The following PAH variants were observed in gnomAD, a reference collection of about 807,000 sequenced individuals.
PAH encodes the protein phenylalanine hydroxylase, also known as phenylalanine-4-hydroxylase.
PAH carries 64 observed loss-of-function variants against 62.0 expected under a neutral mutation model. The observed-to-expected ratio is 1.03, with a 90% CI of 0.84 to 1.27. The LOEUF (loss-of-function observed/expected upper bound fraction) is 1.27. Among genes scored for constraint, PAH ranks in the 50% most tolerant of loss-of-function variants. PAH has a pLI of 0.00. For synonymous variants in PAH, 195 were observed against 196.2 expected (o/e 0.99, Z 0.05); for missense variants, 579 against 542.8 (o/e 1.07, Z -0.66).
intron 1 of PAH, among the ~76,000 whole-genome samples, chr12:102,946,318 T>G (rs540051763): frequency 1.3e-5 from 2 of 152,356 alleles, no homozygotes; most frequent in East Asian, 3.9e-4. Flanking sequence ...GAGCCCAGCA[T>G]AGCGTCAGGA....
chr12:102,902,415 T>A (rs1877798396), intron 2 of PAH, among the ~76,000 whole-genome samples: 1 of 152,190 alleles, frequency 6.6e-6, no homozygotes, highest in South Asian at 2.1e-4. Context: ...GATTCATGTT[T>A]TAAAAGACAC....
upstream of PAH, among the ~76,000 whole-genome samples, chr12:102,952,829 AATGCAGGTGCAAGC>A: frequency 6.6e-6 from 1 of 152,358 alleles, no homozygotes; most frequent in Admixed American, 6.5e-5. Context: ...TGAATTCCTT[AATGCAGGTGCAAGC>A]CTGGCTGCTG....
At chr12:102,891,816 C>T (rs1049996800) in intron 3 of PAH, among the ~76,000 whole-genome samples, 3 of 152,170 alleles carry the variant, frequency 2.0e-5, no homozygotes, top group Non-Finnish European at 4.4e-5. Flanking sequence ...TATATATTCC[C>T]TGGCTCCTCC....
Position 102,894,806 on chromosome 12 carries a change from A to C in PAH, c.281T>G (p.Ile94Ser), listed in dbSNP as rs62508677. ...AATGTCATGCCTCAAGATCTTGATG[A>C]TGTTTGTCAGAGCAGGCAGGCTACG... is the stretch of plus-strand genomic sequence containing the variant. Reference protein sequence around the residue: ...DKRSLPALTNIIKILRHDIGA... With the variant: ...DKRSLPALTNSIKILRHDIGA... Residue 94 changes from isoleucine (I) to serine (S), a missense_variant, in exon 3 of 13, where the codon ATC (isoleucine) becomes AGC (serine). Coordinates refer to ENST00000553106, the MANE Select transcript of PAH (RefSeq NM_000277.3). The C allele has an allele frequency of 2.5e-6, 4 of 1,613,972 alleles. No homozygotes were observed. Among genetic ancestry groups the C allele is most frequent in the Non-Finnish European group, 3.4e-6 (4 of 1,179,968 alleles).
In PAH at chr12:102,862,571, T is replaced by TA. The variant is rs140778245; in HGVS notation, c.509+4024dup. 9.6e-3 allele frequency among the ~76,000 whole-genome samples: 1,454 copies of TA among 151,804 alleles called. 29 individuals are homozygous for TA. The highest frequency in any genetic ancestry group is 0.034 in the African/African-American group (1,393 of 41,466). On this transcript the variant is annotated intron_variant, in intron 5 of 12. Transcript: ENST00000553106. ...AAAATGAAAGCTAAATTAAAGATTT[T>TA]AAAAAAAAAGTCCTTTTGAAAACCA...
upstream of PAH, among the ~76,000 whole-genome samples, chr12:102,922,215 G>C: frequency 8.4e-6 from 1 of 119,410 alleles, no homozygotes; most frequent in Admixed American, 9.9e-5. Context: ...TTTTTTTTGA[G>C]ATGAAGTCTC....
At chr12:102,955,425 C>T (rs919333359), upstream of PAH, among the ~76,000 whole-genome samples, 2 of 152,146 alleles carry the variant, frequency 1.3e-5, no homozygotes, top group Admixed American at 6.5e-5. Context: ...TGGTAGAGCT[C>T]AGACTCGGGA....
chr12:102,854,295 T>G (rs945952605), intron 6 of PAH, among the ~76,000 whole-genome samples: 1 of 152,200 alleles, frequency 6.6e-6, no homozygotes, highest in African/African-American at 2.4e-5. Flanking sequence ...TGCACAGCTC[T>G]GATATATAGA....
intron 5 of PAH, among the ~76,000 whole-genome samples, chr12:102,857,439 C>A (rs2136652420): frequency 6.6e-6 from 1 of 152,310 alleles, no homozygotes; most frequent in Non-Finnish European, 1.5e-5. Context: ...CCTAGCAAGG[C>A]AGGCCAACAT....
chr12:102,890,069 C>T (rs1265082410), intron 3 of PAH, among the ~76,000 whole-genome samples: 1 of 152,160 alleles, frequency 6.6e-6, no homozygotes, highest in Non-Finnish European at 1.5e-5. Flanking sequence ...TTTACCATGT[C>T]GCTGTAATTA....
intron 4 of PAH, among the ~76,000 whole-genome samples, chr12:102,874,915 A>G (rs1876499913): frequency 6.6e-6 from 1 of 152,208 alleles, no homozygotes; most frequent in Admixed American, 6.5e-5. Context: ...GGCCGGGTTC[A>G]GGGACAAAGA....
At chr12:102,927,503 A>T (rs1878718622) in intron 1 of PAH, among the ~76,000 whole-genome samples, 1 of 151,290 alleles carries the variant, frequency 6.6e-6, no homozygotes, top group Non-Finnish European at 1.5e-5. Context: ...GATGCACATT[A>T]TGTGTTCAAT....
At chr12:102,897,627 G>A (rs1315512729) in intron 2 of PAH, among the ~76,000 whole-genome samples, 1 of 152,046 alleles carries the variant, frequency 6.6e-6, no homozygotes, top group African/African-American at 2.4e-5. Context: ...TAGCTGTGAT[G>A]CATTATCAGA....
At chr12:102,911,992 G>C (rs1878218987) in intron 2 of PAH, among the ~76,000 whole-genome samples, 1 of 152,248 alleles carries the variant, frequency 6.6e-6, no homozygotes, top group Non-Finnish European at 1.5e-5. Flanking sequence ...TTGGAGTTCT[G>C]TGAAGTTTGG....
At chr12:102,853,109 G>T in intron 6 of PAH, 159 bp from the exon 7 acceptor site, 1 of 742,894 alleles carries the variant, frequency 1.3e-6, no homozygotes, top group Non-Finnish European at 2.3e-6. Context: ...CTGCTTTCTA[G>T]CTAGGTGATC....
intron 1 of PAH, among the ~76,000 whole-genome samples, chr12:102,942,472 A>G (rs1278736563): frequency 6.6e-6 from 1 of 152,204 alleles, no homozygotes; most frequent in Non-Finnish European, 1.5e-5. Flanking sequence ...AAGAATTAAC[A>G]TTGGTAAAAT....
intron 4 of PAH, among the ~76,000 whole-genome samples, chr12:102,873,152 G>A (rs2039627916): frequency 6.6e-6 from 1 of 152,206 alleles, no homozygotes; most frequent in South Asian, 2.1e-4. Context: ...CTATGTGGCA[G>A]AGGTTGCTGG....
At position 102,852,862 on chromosome 12, in the gene PAH, G is replaced by T. The variant is rs1231529155; in HGVS notation, c.795C>A (p.Cys265Ter). ...TGGATCCATGTCTGATGTACTGTGT[G>T]CAGTGGAAGACTCGGAAGGCCAGGC... ...LGGLAFRVFHCTQYIRHGSKP... is the reference protein window; with the variant it reads ...LGGLAFRVFH The change falls in exon 7 of 13, where the codon TGC (cysteine) becomes TGA (stop). Residue 265 changes from cysteine (C) to a stop codon, truncating the protein, a stop_gained. Transcript: ENST00000553106. LOFTEE classifies it high-confidence loss of function. 6.2e-7 allele frequency: 1 copy of T among 1,614,108 alleles called. No homozygotes were observed. Among genetic ancestry groups the T allele is most frequent in the Non-Finnish European group, 8.5e-7 (1 of 1,180,000 alleles).
At position 102,855,200 on chromosome 12, in the gene PAH, T is replaced by C. The variant is rs373782868; in HGVS notation, c.642A>G (p.Glu214=). The C allele has an allele frequency of 3.7e-6, 6 of 1,614,034 alleles. No individual in the cohort carries two copies. In the African/African-American group the frequency reaches 8.0e-5, roughly 22 times the overall value. Residue 214 remains glutamate, a synonymous_variant, in exon 6 of 13, where the codon GAA becomes GAG. Coordinates refer to ENST00000553106, the MANE Select transcript of PAH (RefSeq NM_000277.3). ...YEYNHIFPLL[E]KYCGFHEDNI... is the part of the protein sequence containing the mutation. Reference sequence around the variant, plus strand: ...TATCTTCATGGAAGCCACAGTACTTTTCAAGAAGTGGAAAAATGTGATTGT... The same window carrying C: ...TATCTTCATGGAAGCCACAGTACTTCTCAAGAAGTGGAAAAATGTGATTGT...
Sources: allele counts gnomAD v4.1 joint callset (sites outside exome capture counted in the v4.1 genomes callset), GRCh38; gene constraint gnomAD v4.1.1; transcripts MANE v1.5; gene names NCBI Gene and HGNC (gene_info 2026-07-23, HGNC 2026-07-21).